Variants in EFNA5 observed in about 807,000 individuals in gnomAD.
The protein encoded by EFNA5 is ephrin A5, also known as ephrin-A5.
EFNA5 carries 5 observed loss-of-function variants against 22.9 expected under a neutral mutation model. The ratio of observed to expected loss-of-function variants is 0.22; its 90% CI spans 0.11 to 0.46. EFNA5 has a LOEUF of 0.46. Ranked by LOEUF, EFNA5 falls within the 20% of genes least tolerant of loss-of-function variation. The pLI is 0.99. For missense variants in EFNA5, 237 were observed against 293.3 expected (o/e 0.81, Z 1.40); for synonymous variants, 113 against 112.2 (o/e 1.01, Z -0.04).
At chr5:107,506,916 T>G (rs1204290986) in intron 1 of EFNA5, among the ~76,000 whole-genome samples, 1 of 152,298 alleles carries the variant, frequency 6.6e-6, no homozygotes, top group East Asian at 1.9e-4. Flanking sequence ...AAGTAAAAAT[T>G]CATTAAACAT....
intron 1 of EFNA5, among the ~76,000 whole-genome samples, chr5:107,632,338 G>T (rs983087924): frequency 2.0e-5 from 3 of 151,910 alleles, no homozygotes; most frequent in Admixed American, 1.3e-4. Flanking sequence ...CAAAAACTCT[G>T]ATATACTTAT....
At chr5:107,657,062 T>C (rs561777551) in intron 1 of EFNA5, among the ~76,000 whole-genome samples, 16 of 152,240 alleles carry the variant, frequency 1.1e-4, no homozygotes, top group African/African-American at 2.6e-4. Flanking sequence ...TAGGAACATA[T>C]ATTAGTATAT....
chr5:107,504,365 T>A (rs1182692560), intron 1 of EFNA5, among the ~76,000 whole-genome samples: 5 of 152,130 alleles, frequency 3.3e-5, no homozygotes, highest in Non-Finnish European at 2.9e-5. Flanking sequence ...GTCCCTACAC[T>A]CGAAGAGGAT....
chr5:107,503,504 C>G (rs1332249041), intron 1 of EFNA5, among the ~76,000 whole-genome samples: 1 of 152,188 alleles, frequency 6.6e-6, no homozygotes, highest in African/African-American at 2.4e-5. Flanking sequence ...GCTCAGAATA[C>G]AGGCAACATA....
intron 1 of EFNA5, among the ~76,000 whole-genome samples, chr5:107,625,610 AAAC>A (rs1351672486): frequency 1.3e-5 from 2 of 152,170 alleles, no homozygotes; most frequent in Non-Finnish European, 2.9e-5. Flanking sequence ...CAGCAAGCAG[AAAC>A]AGGTTTAGCA....
chr5:107,414,856 T>C (rs1280593608), intron 2 of EFNA5, among the ~76,000 whole-genome samples: 1 of 152,084 alleles, frequency 6.6e-6, no homozygotes, highest in Non-Finnish European at 1.5e-5. Flanking sequence ...CTATACCTAT[T>C]GCAAAGGAAC....
At chr5:107,583,760 G>T (rs1300425372) in intron 1 of EFNA5, among the ~76,000 whole-genome samples, 1 of 152,142 alleles carries the variant, frequency 6.6e-6, no homozygotes, top group Non-Finnish European at 1.5e-5. Context: ...ACTTTATATG[G>T]AATTAGACAG....
At chr5:107,470,857 C>A (rs1222094563) in intron 1 of EFNA5, among the ~76,000 whole-genome samples, 1 of 141,096 alleles carries the variant, frequency 7.1e-6, no homozygotes, top group Non-Finnish European at 1.5e-5. Context: ...ATAGCAAGAC[C>A]TTATCTCTAA....
At chr5:107,483,264 G>C (rs79147374) in intron 1 of EFNA5, among the ~76,000 whole-genome samples, 1 of 151,978 alleles carries the variant, frequency 6.6e-6, no homozygotes, top group African/African-American at 2.4e-5. Flanking sequence ...TATTCACATA[G>C]GTCTCAATGG....
At chr5:107,537,107 GAA>G (rs34139433) in intron 1 of EFNA5, among the ~76,000 whole-genome samples, 300 of 131,302 alleles carry the variant, frequency 2.3e-3, no homozygotes, top group Middle Eastern at 8.3e-3. Context: ...CCGCCTCAAA[GAA>G]AAAAAAAAAA....
At position 107,387,811 on chromosome 5, in the gene EFNA5, GAAC is replaced by G. The variant is rs527563363; in HGVS notation, c.419-43_419-41del. ...GAGAGAGAGCAGGAAAGAAAGAAGA[GAAC>G]AACAACATATTACTCTTCATTTTCA... On this transcript the variant is annotated intron_variant, in intron 2 of 4. Transcript: ENST00000333274. 258 of 1,395,976 alleles carry G rather than the reference GAAC, an allele frequency of 1.8e-4. No homozygotes were observed. The African/African-American group carries it at 3.0e-3, about 16-fold the overall frequency. 86.5% of individuals were successfully genotyped at this position (1,395,976 alleles called of 1,614,324 possible).
At chr5:107,622,451 G>A (rs1286179885) in intron 1 of EFNA5, among the ~76,000 whole-genome samples, 4 of 152,120 alleles carry the variant, frequency 2.6e-5, no homozygotes, top group African/African-American at 9.7e-5. Flanking sequence ...AGCTATGGTT[G>A]AAAAATCACA....
chr5:107,463,222 A>G (rs1749881941), intron 1 of EFNA5, among the ~76,000 whole-genome samples: 1 of 152,176 alleles, frequency 6.6e-6, no homozygotes, highest in Non-Finnish European at 1.5e-5. Flanking sequence ...AATAAATATC[A>G]TATCACTAAA....
At chr5:107,466,612 C>T (rs1749991575) in intron 1 of EFNA5, among the ~76,000 whole-genome samples, 1 of 152,188 alleles carries the variant, frequency 6.6e-6, no homozygotes, top group Non-Finnish European at 1.5e-5. Flanking sequence ...CTTTGAGACA[C>T]TTGCCTTTCT....
At chr5:107,496,443 T>C (rs1347311019) in intron 1 of EFNA5, among the ~76,000 whole-genome samples, 1 of 151,584 alleles carries the variant, frequency 6.6e-6, no homozygotes, top group African/African-American at 2.4e-5. Context: ...TGAGAGGTAA[T>C]GTCAAGTTAT....
intron 1 of EFNA5, among the ~76,000 whole-genome samples, chr5:107,604,648 C>T (rs1749674730): frequency 6.6e-6 from 1 of 152,140 alleles, no homozygotes; most frequent in East Asian, 1.9e-4. Context: ...CAAGTTGCAA[C>T]CCACTTGCCG....
At chr5:107,659,891 A>G (rs1344018505) in intron 1 of EFNA5, among the ~76,000 whole-genome samples, 1 of 152,072 alleles carries the variant, frequency 6.6e-6, no homozygotes, top group East Asian at 1.9e-4. Flanking sequence ...ATTTTAATTA[A>G]CTAAATTAAT....
intron 2 of EFNA5, among the ~76,000 whole-genome samples, chr5:107,424,738 T>C (rs1748765398): frequency 6.6e-6 from 1 of 152,152 alleles, no homozygotes; most frequent in Non-Finnish European, 1.5e-5. Flanking sequence ...AAAATTCAAC[T>C]GAGGGCCAAT....
At chr5:107,627,143 T>C (rs1271540707) in intron 1 of EFNA5, among the ~76,000 whole-genome samples, 2 of 152,242 alleles carry the variant, frequency 1.3e-5, no homozygotes, top group African/African-American at 2.4e-5. Flanking sequence ...AATCTTTCTG[T>C]TTGTTAACTT....
Sources: gnomAD v4.1 joint callset for allele counts (sites outside exome capture counted in the v4.1 genomes callset) on GRCh38, gnomAD v4.1.1 for gene constraint, MANE v1.5 for transcripts, NCBI Gene and HGNC (gene_info 2026-07-23, HGNC 2026-07-21) for gene names.